The following TRMT44 variants were observed in gnomAD, a reference collection of about 807,000 sequenced individuals.
TRMT44 encodes the protein probable tRNA (uracil-O(2)-)-methyltransferase.
Under a neutral mutation model 77.3 loss-of-function variants are expected in TRMT44, and 78 were observed. The ratio of observed to expected loss-of-function variants is 1.01; its 90% confidence interval spans 0.84 to 1.22. The LOEUF (loss-of-function observed/expected upper bound fraction) is 1.22, where lower values mean the gene tolerates loss of function less well. TRMT44 is among the 50% of genes most tolerant of loss of function. The probability of loss-of-function intolerance (pLI) is 0.00; values close to 1 mark genes in which losing one functional copy is unlikely to be tolerated. For missense variants in TRMT44, 1,090 were observed against 964.4 expected, an observed-to-expected ratio of 1.13 and a Z score of -1.73; for synonymous variants, 391 against 383.3, an observed-to-expected ratio of 1.02 and a Z score of -0.23.
intron 9 of TRMT44, 23 bp downstream of exon 9, chr4:8,468,369 G>GA: frequency 6.2e-7 from 1 of 1,611,946 alleles, no homozygotes; most frequent in Non-Finnish European, 8.5e-7. Context: ...CCATCTTAGG[G>GA]AGGGGCTAGC....
At chr4:8,454,648 C>T in intron 5 of TRMT44, 94 bp from the exon 6 acceptor site, 1 of 1,218,672 alleles carries the variant, frequency 8.2e-7, no homozygotes, top group Non-Finnish European at 1.2e-6. Flanking sequence ...GCCCTTCGTC[C>T]TGCTGGCAGT....
chr4:8,465,554 C>T lies in TRMT44; in HGVS notation c.1487C>T (p.Thr496Ile). The T allele has an allele frequency of 6.2e-7, 1 of 1,611,804 alleles. No individual in the cohort carries two copies. The highest frequency in any genetic ancestry group is 1.7e-5 in the Admixed American group (1 of 59,684). Residue 496 changes from threonine to isoleucine, a missense_variant, in exon 8 of 11, where the codon ACC becomes ATC. Thr to Ile is a moderately conservative substitution (Grantham distance 89). Transcript: ENST00000389737. ...VDEDCLRIPS[T>I]KRVCLVGKSR... ...GAAGACTGCCTCAGGATTCCTTCAA[C>T]CAAAAGAGTATGTCTGATTCTCATG...
chr4:8,445,659 T>C (rs1032597223), intron 1 of TRMT44, among the ~76,000 whole-genome samples: 1 of 152,238 alleles, frequency 6.6e-6, no homozygotes, highest in African/African-American at 2.4e-5. Context: ...TCCATAGCAG[T>C]AGACTCTGAT....
At chr4:8,482,590 G>A (rs1560248245) in intron 2 of TRMT44, among the ~76,000 whole-genome samples, 1 of 152,232 alleles carries the variant, frequency 6.6e-6, no homozygotes, top group Non-Finnish European at 1.5e-5. Context: ...GCGGGCAGGA[G>A]TGGGGGTCGC....
intron 3 of TRMT44, among the ~76,000 whole-genome samples, chr4:8,450,578 TTCTA>T (rs1020228546): frequency 3.9e-5 from 6 of 152,154 alleles, no homozygotes; most frequent in African/African-American, 9.7e-5. Flanking sequence ...TGCTTAAACT[TTCTA>T]TCTAAGATGT....
rs1469334174 is a variant in TRMT44, at chr4:8,452,469, C to G, written c.1024-413C>G. Among the ~76,000 whole-genome samples the G allele has an allele frequency of 6.6e-6, 1 of 152,202 alleles. No individual in the cohort carries two copies. Among genetic ancestry groups the G allele is most frequent in the Non-Finnish European group, 1.5e-5 (1 of 68,038 alleles). On this transcript the variant is annotated intron_variant, in intron 4 of 10. Transcript: ENST00000389737. This position sits in a 1 kb window ranked among gnomAD's most constrained non-coding sequence, Gnocchi z 5.7. ...TTAGAGTAGGCTGGGTTTGGTGGCT[C>G]AAGCCTGTAATTCCCAGCACTTCGG...
At chr4:8,460,190 G>A (rs894765109) in intron 6 of TRMT44, among the ~76,000 whole-genome samples, 14 of 152,364 alleles carry the variant, frequency 9.2e-5, no homozygotes, top group South Asian at 2.1e-4. Context: ...CCTAGGACAG[G>A]TTATAGTATA....
rs745915221 is a variant in TRMT44 at position 8,449,949 on chromosome 4, CTTTTTTTTTT to C, written c.954+77_954+86del. On this transcript the variant is annotated intron_variant, in intron 3 of 10. Transcript: ENST00000389737. ...TCATGATTTTCTTTTCTTTTCTTTT[CTTTTTTTTTT>C]TTTTTTTTTTTTTTTGCGACAGTCT... 678 of 239,018 alleles carry C rather than the reference CTTTTTTTTTT, an allele frequency of 2.8e-3. 1 individual carries two copies. Among genetic ancestry groups the C allele is most frequent in the Middle Eastern group, 6.5e-3 (5 of 766 alleles). The allele number at this position is 239,018 out of a possible 1,614,324, so 14.8% of individuals were successfully genotyped here. A position where few individuals can be genotyped will look rare whatever the true frequency, so the allele number is the denominator to read the frequency against.
At chr4:8,490,247 T>G (rs993976315) in intron 2 of TRMT44, among the ~76,000 whole-genome samples, 1 of 152,214 alleles carries the variant, frequency 6.6e-6, no homozygotes, top group African/African-American at 2.4e-5. Flanking sequence ...AGTGACTCTG[T>G]GTCTGGAATT....
downstream of TRMT44, among the ~76,000 whole-genome samples, chr4:8,495,998 T>A (rs1468946075): frequency 6.6e-6 from 1 of 152,226 alleles, no homozygotes; most frequent in Non-Finnish European, 1.5e-5. Context: ...AGGCCGCTAC[T>A]TCATTTGCAT....
chr4:8,443,706 G>C (rs909066198), intron 1 of TRMT44, among the ~76,000 whole-genome samples: 1 of 152,138 alleles, frequency 6.6e-6, no homozygotes, highest in Admixed American at 6.5e-5. Context: ...TATATTTCTT[G>C]GCCCTATTCT....
At chr4:8,508,858 GGCTGCCTTCCTCCTCCTCCTCCC>G in the TRMT44 span, 2 of 153,608 alleles carry the variant, frequency 1.3e-5, no homozygotes, top group African/African-American at 2.4e-5. Context: ...CTGTGTCCTT[GGCTGCCTTCCTCCTCCTCCTCCC>G]GCCGCCTACT....
intron 2 of TRMT44, among the ~76,000 whole-genome samples, chr4:8,485,933 C>T (rs187624477): frequency 4.3e-4 from 66 of 152,214 alleles, no homozygotes; most frequent in Middle Eastern, 6.8e-3. Context: ...GGGTAGCCCC[C>T]GTATCGATTA....
chr4:8,493,448 TA>T (rs1728067770), exon 3 of TRMT44: 1 of 152,190 alleles, frequency 6.6e-6, no homozygotes, highest in Non-Finnish European at 1.5e-5. Flanking sequence ...AAGTTATCCT[TA>T]AAAACCTCAA....
rs1242579405 is a variant in TRMT44 at position 8,444,401 on chromosome 4, CTTT to C, written c.620-2062_620-2060del. On this transcript the variant is annotated intron_variant, in intron 1 of 10. Coordinates refer to ENST00000389737, the MANE Select transcript of TRMT44 (RefSeq NM_152544.3). The surrounding 1 kb of genome is among the most constrained non-coding windows in gnomAD (Gnocchi z 4.0). ...TATAATGAATAATAACTTAATTGTACTTTTTTTTTTTTTTTGAGAGTAGTCTCG... is the reference window on the plus strand; with the variant it reads ...TATAATGAATAATAACTTAATTGTACTTTTTTTTTTTTGAGAGTAGTCTCG... 1.4e-5 allele frequency among the ~76,000 whole-genome samples: 2 copies of C among 141,498 alleles called. No individual in the cohort carries two copies. The highest frequency in any genetic ancestry group is 7.1e-5 in the Admixed American group (1 of 14,080). 92.8% of individuals were successfully genotyped at this position (141,498 alleles called of 152,430 possible).
At chr4:8,473,766 A>AGCCACTT (rs1388336426) in intron 10 of TRMT44, 5 of 152,170 alleles carry the variant, frequency 3.3e-5, no homozygotes, top group African/African-American at 4.8e-5. Flanking sequence ...TTGTCTTTCT[A>AGCCACTT]GCTGGCTAGA....
intron 9 of TRMT44, among the ~76,000 whole-genome samples, chr4:8,469,033 C>A (rs1303926539): frequency 6.6e-6 from 1 of 152,186 alleles, no homozygotes; most frequent in Non-Finnish European, 1.5e-5. Context: ...GCCCCTCCGT[C>A]GGTGACTTCT....
In TRMT44 at chr4:8,441,363, G is replaced by A. The variant is rs1724679914; in HGVS notation, c.541G>A (p.Val181Met). ...SQPEAQRELD[V>M]VLRTVIPKTS... is the part of the protein sequence containing the mutation. ...GCCAGAGGCGCAGCGTGAGCTCGAC[G>A]TGGTTCTCAGAACCGTCATCCCGAA... The change falls in exon 1 of 11, where the codon GTG (valine) becomes ATG (methionine). Residue 181 changes from valine (V) to methionine (M), a missense_variant. By Grantham distance (21) the Val-to-Met change is conservative. Coordinates refer to ENST00000389737, the MANE Select transcript of TRMT44 (RefSeq NM_152544.3). 11 of 1,534,760 alleles carry A rather than the reference G, an allele frequency of 7.2e-6. No individual in the cohort carries two copies. Among genetic ancestry groups the A allele is most frequent in the Non-Finnish European group, 9.6e-6 (11 of 1,146,112 alleles).
At chr4:8,488,289 C>A (rs1185867925) in intron 2 of TRMT44, among the ~76,000 whole-genome samples, 1 of 152,186 alleles carries the variant, frequency 6.6e-6, no homozygotes, top group Non-Finnish European at 1.5e-5. Context: ...AAGAGACCAC[C>A]AAACAGGCTT....
Sources: gnomAD v4.1 joint callset for allele counts (sites outside exome capture counted in the v4.1 genomes callset) on GRCh38, gnomAD v4.1.1 for gene constraint, Gnocchi (gnomAD v3.1) non-coding constraint, MANE v1.5 for transcripts, NCBI Gene and HGNC (gene_info 2026-07-23, HGNC 2026-07-21) for gene names.